The following EPM2A variants were observed in gnomAD, a reference collection of about 807,000 sequenced individuals.
EPM2A encodes laforin.
Under a neutral mutation model 26.5 loss-of-function variants are expected in EPM2A, and 21 were observed. The ratio of observed to expected loss-of-function variants is 0.79; its 90% CI spans 0.56 to 1.14. The LOEUF (loss-of-function observed/expected upper bound fraction) is 1.14, where lower values mean the gene tolerates loss of function less well. Ranked by LOEUF, EPM2A falls within the 50% of genes most tolerant of loss-of-function variation. EPM2A has a pLI of 0.00. For synonymous variants in EPM2A, 217 were observed against 177.6 expected (o/e 1.22, Z -1.76); for missense variants, 458 against 440.8 (o/e 1.04, Z -0.35).
intron 1 of EPM2A, among the ~76,000 whole-genome samples, chr6:145,732,361 C>T (rs1019120062): frequency 2.0e-5 from 3 of 151,092 alleles, no homozygotes; most frequent in Non-Finnish European, 4.4e-5. Flanking sequence ...AGAAAGTCAA[C>T]GGTCAATATT....
exon 5 of EPM2A, chr6:145,383,881 T>C (rs1458858361): frequency 6.6e-6 from 1 of 152,238 alleles, no homozygotes; most frequent in Non-Finnish European, 1.5e-5. Flanking sequence ...ATTGATAGCA[T>C]CCACATATCT....
chr6:145,441,303 A>C (rs1779060264), intron 4 of EPM2A, among the ~76,000 whole-genome samples: 1 of 152,234 alleles, frequency 6.6e-6, no homozygotes, highest in Non-Finnish European at 1.5e-5. Context: ...CCTAAACTGC[A>C]CACAGAAGAA....
chr6:145,462,256 C>T (rs1236225853), intron 4 of EPM2A, among the ~76,000 whole-genome samples: 2 of 152,080 alleles, frequency 1.3e-5, no homozygotes, highest in Non-Finnish European at 2.9e-5. Context: ...CTATATTAAG[C>T]AGGGTATGGT....
exon 4 of EPM2A, chr6:145,501,596 T>G (rs1441394299): frequency 6.4e-6 from 2 of 314,064 alleles, no homozygotes; most frequent in East Asian, 1.6e-4. Flanking sequence ...GGAGGAGTAA[T>G]TTCTTATTTG....
At chr6:145,645,868 A>G (rs1206527978) in intron 2 of EPM2A, among the ~76,000 whole-genome samples, 1 of 152,160 alleles carries the variant, frequency 6.6e-6, no homozygotes, top group Non-Finnish European at 1.5e-5. Context: ...TGCTAGGATT[A>G]TAATAGGCGT....
chr6:145,493,396 T>A (rs366308), intron 4 of EPM2A, among the ~76,000 whole-genome samples: 68,469 of 152,054 alleles, frequency 0.45, 15,462 homozygotes, highest in South Asian at 0.58. Flanking sequence ...GGCTGATATG[T>A]TGGAATTTTC....
chr6:145,438,402 G>C (rs1779016953), intron 4 of EPM2A, among the ~76,000 whole-genome samples: 1 of 151,860 alleles, frequency 6.6e-6, no homozygotes, highest in South Asian at 2.1e-4. Context: ...TGCACACAAA[G>C]GTAGGTCTTG....
At chr6:145,443,162 C>T (rs1390923063) in intron 4 of EPM2A, among the ~76,000 whole-genome samples, 1 of 152,196 alleles carries the variant, frequency 6.6e-6, no homozygotes, top group East Asian at 1.9e-4. Context: ...TGAGCCACCA[C>T]ACCCGGCCCC....
At chr6:145,648,277 T>G (rs1041338894) in intron 2 of EPM2A, among the ~76,000 whole-genome samples, 1 of 152,204 alleles carries the variant, frequency 6.6e-6, no homozygotes, top group Non-Finnish European at 1.5e-5. Context: ...GACCAGCCTC[T>G]ATTTGAACCA....
At chr6:145,716,907 T>G (rs1283993371) in intron 1 of EPM2A, among the ~76,000 whole-genome samples, 1 of 152,150 alleles carries the variant, frequency 6.6e-6, no homozygotes, top group Admixed American at 6.5e-5. Flanking sequence ...TTCCCATAAT[T>G]GCAACACAAA....
intron 2 of EPM2A, among the ~76,000 whole-genome samples, chr6:145,552,961 A>G (rs531432461): frequency 6.6e-6 from 1 of 152,204 alleles, no homozygotes; most frequent in Non-Finnish European, 1.5e-5. Flanking sequence ...CACTTAAAAT[A>G]CTTTACATCT....
chr6:145,599,990 T>C (rs1781396134), intron 2 of EPM2A, among the ~76,000 whole-genome samples: 1 of 152,132 alleles, frequency 6.6e-6, no homozygotes, highest in Non-Finnish European at 1.5e-5. Context: ...TGTCTCCTTT[T>C]AAATTGTATT....
intron 4 of EPM2A, among the ~76,000 whole-genome samples, chr6:145,441,636 G>A (rs896606423): frequency 2.6e-5 from 4 of 152,144 alleles, no homozygotes; most frequent in Non-Finnish European, 5.9e-5. Flanking sequence ...GGCTGAGGCA[G>A]GTGGATCACC....
At chr6:145,485,064 C>G (rs944220788) in intron 4 of EPM2A, among the ~76,000 whole-genome samples, 3 of 150,854 alleles carry the variant, frequency 2.0e-5, no homozygotes, top group African/African-American at 7.3e-5. Flanking sequence ...CCTTTCAGCT[C>G]TCTCCCACAT....
At chr6:145,691,707 A>C (rs1781290680) in intron 1 of EPM2A, among the ~76,000 whole-genome samples, 1 of 152,118 alleles carries the variant, frequency 6.6e-6, no homozygotes, top group South Asian at 2.1e-4. Context: ...GGTTGATACC[A>C]GTCAACTATG....
rs182402121 is a variant in EPM2A, at chr6:145,552,080, C to A, written c.341-49505G>T. 1.8e-3 allele frequency among the ~76,000 whole-genome samples: 270 copies of A among 151,414 alleles called. 1 individual carries two copies. Among genetic ancestry groups the A allele is most frequent in the African/African-American group, 6.2e-3 (257 of 41,314 alleles). On this transcript the variant is annotated intron_variant, in intron 2 of 3. Coordinates refer to the EPM2A transcript ENST00000450221. ...AGCACACCTATGAAAAAATTTGATG[C>A]AAAATATGAAAAATAGATTGAAAGA...
chr6:145,551,296 A>T (rs1780652413), intron 2 of EPM2A, among the ~76,000 whole-genome samples: 1 of 152,040 alleles, frequency 6.6e-6, no homozygotes, highest in Non-Finnish European at 1.5e-5. Context: ...ATTAGGTGAA[A>T]CAGTAAGTCT....
chr6:145,568,169 G>T (rs2114821841), intron 2 of EPM2A, among the ~76,000 whole-genome samples: 1 of 152,218 alleles, frequency 6.6e-6, no homozygotes, highest in South Asian at 2.1e-4. Flanking sequence ...AAATGACTGG[G>T]CATGAGATTA....
intron 2 of EPM2A, among the ~76,000 whole-genome samples, chr6:145,574,546 A>G (rs532607445): frequency 6.6e-6 from 1 of 152,304 alleles, no homozygotes; most frequent in East Asian, 1.9e-4. Context: ...TGCTGCCCTC[A>G]CAAATCTATT....
Sources: allele counts gnomAD v4.1 joint callset (sites outside exome capture counted in the v4.1 genomes callset), GRCh38; gene constraint gnomAD v4.1.1; transcripts MANE v1.5; gene names NCBI Gene and HGNC (gene_info 2026-07-23, HGNC 2026-07-21).